TMEM209: variants seen among roughly 807,000 people sequenced by gnomAD.
TMEM209 encodes transmembrane protein 209.
A neutral mutation model predicts 76.2 loss-of-function variants in TMEM209; 65 were observed. That is an observed-to-expected ratio of 0.85 (90% CI 0.70 to 1.05). The LOEUF (loss-of-function observed/expected upper bound fraction) is 1.05, where lower values mean the gene tolerates loss of function less well. Ranked by LOEUF, TMEM209 falls within the 50% of genes least tolerant of loss-of-function variation. The pLI is 0.00. For missense variants in TMEM209, 623 were observed against 685.5 expected (o/e 0.91, Z 1.02); for synonymous variants, 239 against 237.6 (o/e 1.01, Z -0.06).
At position 130,173,678 on chromosome 7, in the gene TMEM209, G is replaced by C; in HGVS notation, c.1511C>G (p.Pro504Arg). The change falls in exon 13 of 15, where the codon CCC (proline) becomes CGC (arginine). Residue 504 changes from proline to arginine, a missense_variant. Physicochemically the swap from Pro to Arg is moderately radical, Grantham distance 103. Transcript: ENST00000397622. ...ACGCTGGTAGATGAGCTCATAATGG[G>C]GAGGGTTGATAGCACTCTGATAAAT... is the stretch of plus-strand genomic sequence containing the variant. The part of the protein sequence containing the change: ...FCIYQSAINP[P>R]HYELIYQRHV... 6.2e-7 allele frequency: 1 copy of C among 1,613,736 alleles called. No individual in the cohort carries two copies. Among genetic ancestry groups the C allele is most frequent in the Non-Finnish European group, 8.5e-7 (1 of 1,179,832 alleles).
intron 8 of TMEM209, among the ~76,000 whole-genome samples, chr7:130,182,838 A>C (rs1343463096): frequency 6.6e-6 from 1 of 152,176 alleles, no homozygotes; most frequent in Non-Finnish European, 1.5e-5. Context: ...AAGGAAGCAA[A>C]TTTTGATATA....
chr7:130,203,492 G>A (rs1358151522), intron 3 of TMEM209, among the ~76,000 whole-genome samples: 2 of 152,170 alleles, frequency 1.3e-5, no homozygotes, highest in African/African-American at 4.8e-5. Flanking sequence ...AAAAGGTAGA[G>A]ACACAGAAAG....
In TMEM209 at chr7:130,166,523, A is replaced by AT. The variant is rs745954878; in HGVS notation, c.1632-19dup. ...TAACTCTCCTATAAAGAGAAAAAAA[A>AT]TTTTTATTAGAATTGGTTGCCAAGC... On this transcript the variant is annotated intron_variant, in intron 14 of 14. Transcript: ENST00000397622. 2.7e-6 allele frequency: 4 copies of AT among 1,485,922 alleles called. No homozygotes were observed. Among genetic ancestry groups the AT allele is most frequent in the East Asian group, 2.5e-5 (1 of 39,290 alleles). The allele number at this position is 1,485,922 out of a possible 1,614,324, so 92.0% of individuals were successfully genotyped here.
Position 130,166,515 on chromosome 7 carries a change from G to T in TMEM209, c.1632-10C>A. 2.0e-6 allele frequency: 3 copies of T among 1,496,664 alleles called. No homozygotes were observed. The highest frequency in any genetic ancestry group is 1.4e-5 in the South Asian group (1 of 73,362). 92.7% of individuals were successfully genotyped at this position (1,496,664 alleles called of 1,614,324 possible). On this transcript the variant is annotated splice_polypyrimidine_tract_variant and intron_variant, in intron 14 of 14. Coordinates refer to ENST00000397622, the MANE Select transcript of TMEM209 (RefSeq NM_032842.4). ...ACCAAGATTAACTCTCCTATAAAGA[G>T]AAAAAAAATTTTTATTAGAATTGGT... is the stretch of plus-strand genomic sequence containing the variant.
intron 10 of TMEM209, among the ~76,000 whole-genome samples, chr7:130,176,538 C>T (rs1448014474): frequency 1.3e-5 from 2 of 152,070 alleles, no homozygotes; most frequent in African/African-American, 2.4e-5. Flanking sequence ...CTGCTAACTA[C>T]AAGGCAATCT....
intron 6 of TMEM209, among the ~76,000 whole-genome samples, chr7:130,190,916 G>A (rs1797770895): frequency 1.3e-5 from 2 of 151,484 alleles, no homozygotes; most frequent in South Asian, 2.1e-4. Flanking sequence ...AGAGGCACCT[G>A]AGCGCTGAAT....
At chr7:130,185,098 G>A in intron 7 of TMEM209, 94 bp downstream of exon 7, 1 of 1,373,314 alleles carries the variant, frequency 7.3e-7, no homozygotes, top group Non-Finnish European at 9.8e-7. Flanking sequence ...CTGTCCAACA[G>A]AATGGAAGAT....
chr7:130,173,482 C>T, intron 13 of TMEM209, 150 bp downstream of exon 13: 1 of 572,206 alleles, frequency 1.7e-6, no homozygotes. Context: ...GCACATATTA[C>T]TTTTATAGTA....
At chr7:130,193,936 C>T (rs1194287453) in intron 5 of TMEM209, among the ~76,000 whole-genome samples, 1 of 150,020 alleles carries the variant, frequency 6.7e-6, no homozygotes, top group African/African-American at 2.5e-5. Flanking sequence ...CGGTGACTCA[C>T]GCTTGTAGTC....
In TMEM209 at chr7:130,192,805, A is replaced by C; in HGVS notation, c.592T>G (p.Ser198Ala). The C allele has an allele frequency of 6.2e-7, 1 of 1,613,932 alleles. No individual in the cohort carries two copies. Among genetic ancestry groups the C allele is most frequent in the Non-Finnish European group, 8.5e-7 (1 of 1,179,872 alleles). Residue 198 changes from serine (S) to alanine (A), a missense_variant, in exon 6 of 15, where the codon TCT becomes GCT. Ser to Ala is a moderately conservative substitution (Grantham distance 99). Transcript: ENST00000397622. ...GYNKLASFSP[S>A]PPSPYPTTVG... Reference sequence around the variant, plus strand: ...GTGGTAGGGTACGGAGAAGGAGGAGAGGGGCTAAAGCTCGCCAACTATACA... The same window carrying C: ...GTGGTAGGGTACGGAGAAGGAGGAGCGGGGCTAAAGCTCGCCAACTATACA...
At chr7:130,183,925 G>C (rs946849692) in intron 8 of TMEM209, among the ~76,000 whole-genome samples, 1 of 151,978 alleles carries the variant, frequency 6.6e-6, no homozygotes, top group African/African-American at 2.4e-5. Context: ...AACTGAAAAG[G>C]GAGGATCTCA....
chr7:130,204,347 CTATTT>C (rs746449178), intron 1 of TMEM209, among the ~76,000 whole-genome samples: 1 of 151,832 alleles, frequency 6.6e-6, no homozygotes, highest in Non-Finnish European at 1.5e-5. Flanking sequence ...GGTTATTTAT[CTATTT>C]ATTTGTTTTG....
At chr7:130,202,199 G>C in intron 4 of TMEM209, 108 bp from the exon 5 acceptor site, 2 of 1,348,762 alleles carry the variant, frequency 1.5e-6, no homozygotes, top group Non-Finnish European at 2.0e-6. Context: ...AGTTAACAGA[G>C]TTACTTGGTT....
chr7:130,179,656 T>A (rs1797346783), intron 9 of TMEM209, among the ~76,000 whole-genome samples: 1 of 152,226 alleles, frequency 6.6e-6, no homozygotes, highest in Admixed American at 6.5e-5. Context: ...TGGTAAAAGC[T>A]TTTTGGAGAG....
chr7:130,202,435 C>T (rs1192259934), intron 4 of TMEM209, 97 bp downstream of exon 4: 11 of 1,463,488 alleles, frequency 7.5e-6, no homozygotes, highest in Non-Finnish European at 1.0e-5. Context: ...TAGCTGATGT[C>T]CCTTCCAGCT....
chr7:130,185,510 T>A, intron 6 of TMEM209, 143 bp from the exon 7 acceptor site: 1 of 710,780 alleles, frequency 1.4e-6, no homozygotes, highest in Non-Finnish European at 2.3e-6. Context: ...TAATTTTCTC[T>A]TTAGAGATCA....
chr7:130,180,454 C>T (rs1483549524), intron 9 of TMEM209, among the ~76,000 whole-genome samples: 5 of 152,148 alleles, frequency 3.3e-5, no homozygotes, highest in South Asian at 2.1e-4. Context: ...CTGCAACCTC[C>T]GCCTCCAGGG....
intron 6 of TMEM209, among the ~76,000 whole-genome samples, chr7:130,189,998 G>A (rs1043402544): frequency 2.0e-5 from 3 of 152,140 alleles, no homozygotes; most frequent in Non-Finnish European, 4.4e-5. Flanking sequence ...GAAAGGTGGC[G>A]CGGGCAGGGG....
chr7:130,184,149 A>C, intron 8 of TMEM209, 35 bp downstream of exon 8: 1 of 1,407,242 alleles, frequency 7.1e-7, no homozygotes, highest in Non-Finnish European at 9.9e-7. Context: ...ATTAAGAGGC[A>C]CTAATATTGT....
Sources: gnomAD v4.1 joint callset for allele counts (sites outside exome capture counted in the v4.1 genomes callset) on GRCh38, gnomAD v4.1.1 for gene constraint, MANE v1.5 for transcripts, NCBI Gene and HGNC (gene_info 2026-07-23, HGNC 2026-07-21) for gene names.